UGT1A8: variants seen among roughly 807,000 people sequenced by gnomAD.
UGT1A8 encodes the protein UDP glucuronosyltransferase family 1 member A8.
Under a neutral mutation model 45.3 loss-of-function variants are expected in UGT1A8, and 39 were observed. That is an observed-to-expected ratio of 0.86 (90% CI 0.67 to 1.12). The LOEUF is 1.12. Among genes scored for constraint, UGT1A8 ranks in the 50% most tolerant of loss-of-function variants. The pLI is 0.00. For missense variants in UGT1A8, 719 were observed against 664.9 expected (o/e 1.08, Z -0.90); for synonymous variants, 275 against 249.2 (o/e 1.10, Z -0.97).
chr2:233,688,543 A>G (rs1256086932), intron 1 of UGT1A8, among the ~76,000 whole-genome samples: 1 of 152,132 alleles, frequency 6.6e-6, no homozygotes, highest in Admixed American at 6.5e-5. Context: ...CTTACATCAC[A>G]TGGTCTCTAA....
At chr2:233,698,912 G>A (rs1019519579) in intron 1 of UGT1A8, among the ~76,000 whole-genome samples, 1 of 152,230 alleles carries the variant, frequency 6.6e-6, no homozygotes, top group South Asian at 2.1e-4. Context: ...CCCAAGGAGG[G>A]ACGTGGCCGT....
At chr2:233,758,949 A>G (rs1697026086) in intron 1 of UGT1A8, among the ~76,000 whole-genome samples, 1 of 152,184 alleles carries the variant, frequency 6.6e-6, no homozygotes, top group Non-Finnish European at 1.5e-5. Flanking sequence ...AGTCATCAGA[A>G]TTTCCCCAAA....
chr2:233,714,997 C>A (rs1229091752), intron 1 of UGT1A8, among the ~76,000 whole-genome samples: 1 of 152,164 alleles, frequency 6.6e-6, no homozygotes, highest in Non-Finnish European at 1.5e-5. Context: ...CTGCCTCAGC[C>A]TCCCAAGTAG....
chr2:233,623,261 A>G (rs746410297), intron 1 of UGT1A8, among the ~76,000 whole-genome samples: 10 of 152,200 alleles, frequency 6.6e-5, no homozygotes, highest in Non-Finnish European at 1.3e-4. Context: ...AATTCTGTGA[A>G]GAAAGTCAAT....
chr2:233,619,389 T>C (rs960803100), intron 1 of UGT1A8, among the ~76,000 whole-genome samples: 1 of 152,188 alleles, frequency 6.6e-6, no homozygotes, highest in African/African-American at 2.4e-5. Context: ...AATAAGGCTG[T>C]GTAAACATTC....
chr2:233,743,619 A>G, intron 1 of UGT1A8: 2 of 1,367,304 alleles, frequency 1.5e-6, no homozygotes, highest in African/African-American at 3.0e-5. Context: ...AACTCCCTGA[A>G]GACGTCGGCT....
intron 1 of UGT1A8, among the ~76,000 whole-genome samples, chr2:233,751,702 C>T (rs1485888079): frequency 6.6e-6 from 1 of 152,152 alleles, no homozygotes; most frequent in East Asian, 1.9e-4. Flanking sequence ...AGGGGCTCTT[C>T]CTCCTTCACT....
At chr2:233,764,893 C>A (rs1252796776) in intron 1 of UGT1A8, among the ~76,000 whole-genome samples, 1 of 150,656 alleles carries the variant, frequency 6.6e-6, no homozygotes, top group Non-Finnish European at 1.5e-5. Flanking sequence ...AAAGACAAAG[C>A]CCTTAAGAGC....
At chr2:233,663,187 C>T (rs2074009677) in intron 1 of UGT1A8, among the ~76,000 whole-genome samples, 1 of 152,122 alleles carries the variant, frequency 6.6e-6, no homozygotes. Flanking sequence ...ATTCACCTTG[C>T]CTGCTGCCTA....
intron 1 of UGT1A8, among the ~76,000 whole-genome samples, chr2:233,660,654 T>G (rs1240916738): frequency 6.6e-6 from 1 of 152,238 alleles, no homozygotes; most frequent in Non-Finnish European, 1.5e-5. Context: ...GGACTGTATT[T>G]GCATAAGACG....
rs113010112 is a variant in UGT1A8, at chr2:233,729,455, T to A, written c.856-37579T>A. ...GAAACAGAACATTTTCTGAAGAAAT[T>A]TTTCAGAAGTATGGCAATGTTGAAC... On this transcript the variant is annotated intron_variant, in intron 1 of 4. Coordinates refer to ENST00000373450, the MANE Select transcript of UGT1A8 (RefSeq NM_019076.5). The A allele has an allele frequency of 2.5e-6, 4 of 1,614,068 alleles. No individual in the cohort carries two copies. In the African/African-American group the frequency reaches 5.3e-5, roughly 22 times the overall value.
intron 1 of UGT1A8, among the ~76,000 whole-genome samples, chr2:233,658,744 T>C (rs1483456557): frequency 2.0e-5 from 3 of 152,242 alleles, no homozygotes; most frequent in Non-Finnish European, 4.4e-5. Flanking sequence ...TTTTCTCCAC[T>C]GAATTGTCTT....
intron 1 of UGT1A8, among the ~76,000 whole-genome samples, chr2:233,688,625 C>T (rs1295939940): frequency 2.6e-5 from 4 of 152,032 alleles, no homozygotes; most frequent in Non-Finnish European, 5.9e-5. Flanking sequence ...AACATGAGTT[C>T]GTCTTGTTTT....
Position 233,617,743 on chromosome 2 carries a change from A to G in UGT1A8, c.36A>G (p.Leu12=), listed in dbSNP as rs144352045. The G allele has an allele frequency of 7.4e-6, 12 of 1,613,732 alleles. No individual in the cohort carries two copies. The highest frequency in any genetic ancestry group is 3.3e-5 in the Admixed American group (2 of 59,972). Residue 12 remains leucine, a synonymous_variant, in exon 1 of 5, where the codon CTA becomes CTG. Transcript: ENST00000373450. ...CAGGGTGGACCAGCCCCATTCCCCTATGTGTTTCTCTGCTGCTGACCTGTG... is the reference window on the plus strand; with the variant it reads ...CAGGGTGGACCAGCCCCATTCCCCTGTGTGTTTCTCTGCTGCTGACCTGTG... ...ARTGWTSPIP[L]CVSLLLTCGF... is the part of the protein sequence containing the mutation.
chr2:233,757,450 T>C (rs1696530836), intron 1 of UGT1A8, among the ~76,000 whole-genome samples: 1 of 150,428 alleles, frequency 6.6e-6, no homozygotes, highest in African/African-American at 2.5e-5. Context: ...TACAGAAACA[T>C]GTCCAGAGCG....
At chr2:233,693,047 G>A (rs2075129391) in intron 1 of UGT1A8, 1 of 1,614,146 alleles carries the variant, frequency 6.2e-7, no homozygotes, top group Non-Finnish European at 8.5e-7. Context: ...TTCTGCAGGG[G>A]TTTTCTTCTT....
chr2:233,620,219 C>A (rs1047912518), intron 1 of UGT1A8, among the ~76,000 whole-genome samples: 2 of 152,170 alleles, frequency 1.3e-5, no homozygotes, highest in Non-Finnish European at 2.9e-5. Context: ...CAGTTGTAGG[C>A]CTTTCAAAAT....
At chr2:233,644,450 C>T (rs897600926) in intron 1 of UGT1A8, among the ~76,000 whole-genome samples, 1 of 152,040 alleles carries the variant, frequency 6.6e-6, no homozygotes. Context: ...TGCCGGTAAT[C>T]CCAGCTACTC....
chr2:233,706,787 C>A (rs2075924300), intron 1 of UGT1A8, among the ~76,000 whole-genome samples: 2 of 152,154 alleles, frequency 1.3e-5, no homozygotes, highest in South Asian at 4.1e-4. Context: ...GAGAGAAATA[C>A]CATGCACCAA....
Sources: gnomAD v4.1 joint callset for allele counts (sites outside exome capture counted in the v4.1 genomes callset) on GRCh38, gnomAD v4.1.1 for gene constraint, MANE v1.5 for transcripts, NCBI Gene and HGNC (gene_info 2026-07-23, HGNC 2026-07-21) for gene names.